Variants in SUGCT observed in about 807,000 individuals in gnomAD.
SUGCT encodes the protein succinyl-CoA:glutarate-CoA transferase, also known as succinyl-CoA:glutarate CoA-transferase.
In SUGCT, 41 loss-of-function variants were observed where a neutral mutation model predicts 55.0. The observed-to-expected ratio is 0.74, with a 90% CI of 0.58 to 0.97. SUGCT has a LOEUF of 0.97. Ranked by LOEUF, SUGCT falls within the 50% of genes least tolerant of loss-of-function variation. The probability of loss-of-function intolerance (pLI) is 0.00; values close to 1 mark genes in which losing one functional copy is unlikely to be tolerated. For synonymous variants in SUGCT, 187 were observed against 200.4 expected, an observed-to-expected ratio of 0.93 and a Z score of 0.56; for missense variants, 568 against 547.8, an observed-to-expected ratio of 1.04 and a Z score of -0.37.
chr7:40,791,532 G>A (rs1285030844), intron 13 of SUGCT, among the ~76,000 whole-genome samples: 1 of 152,150 alleles, frequency 6.6e-6, no homozygotes, highest in Non-Finnish European at 1.5e-5. Flanking sequence ...AACTTGGTAT[G>A]CTTGAAAGAA....
In SUGCT at chr7:40,204,114, G is replaced by A. The variant is rs139539656; in HGVS notation, c.484+9054G>A. Among the ~76,000 whole-genome samples, 17 of 151,642 alleles carry A rather than the reference G, an allele frequency of 1.1e-4. No homozygotes were observed. In the East Asian group the frequency reaches 2.6e-3, roughly 23 times the overall value. Reference sequence around the variant, plus strand: ...CGTGATCCTCCCGCTTCAGCCTCCCGTGTAGCTGGGATCATAGGCATGCAC... The same window carrying A: ...CGTGATCCTCCCGCTTCAGCCTCCCATGTAGCTGGGATCATAGGCATGCAC... On this transcript the variant is annotated intron_variant, in intron 6 of 13. Transcript: ENST00000335693.
rs144367322 is a variant in SUGCT, at chr7:40,266,788, G to A, written c.577-7725G>A. 6.5e-3 allele frequency among the ~76,000 whole-genome samples: 986 copies of A among 152,056 alleles called. 10 individuals carry two copies. Among genetic ancestry groups the A allele is most frequent in the African/African-American group, 0.023 (945 of 41,510 alleles). On this transcript the variant is annotated intron_variant, in intron 7 of 13. Transcript: ENST00000335693. ...TCCGAGCACTTTGGGAGGCCAAGGC[G>A]GGCACATCACGAGGTCAGGAGTCTG...
chr7:40,498,892 A>G (rs1792128508), intron 12 of SUGCT: 2 of 362,018 alleles, frequency 5.5e-6, no homozygotes, highest in Non-Finnish European at 5.4e-6. Flanking sequence ...CTATCCTTTT[A>G]TAAAAATATA....
intron 9 of SUGCT, among the ~76,000 whole-genome samples, chr7:40,337,638 GT>G: frequency 6.6e-6 from 1 of 152,266 alleles, no homozygotes; most frequent in East Asian, 1.9e-4. Context: ...GAGTCTATGT[GT>G]GTCTCTGCAT....
At chr7:40,917,506 A>G in the SUGCT span, among the ~76,000 whole-genome samples, 3 of 152,172 alleles carry the variant, frequency 2.0e-5, no homozygotes, top group Admixed American at 1.3e-4. Flanking sequence ...TTGTGACCAC[A>G]TCATCCTTTA....
chr7:40,209,703 G>A (rs1315192441), intron 6 of SUGCT, among the ~76,000 whole-genome samples: 2 of 151,906 alleles, frequency 1.3e-5, no homozygotes, highest in Admixed American at 1.3e-4. Flanking sequence ...TGCTGAGGCA[G>A]GATAATTGCT....
At chr7:40,722,945 G>A (rs1167172963) in intron 12 of SUGCT, among the ~76,000 whole-genome samples, 2 of 152,086 alleles carry the variant, frequency 1.3e-5, no homozygotes, top group East Asian at 3.9e-4. Context: ...CATCTGAAAT[G>A]AATCTACCAA....
At chr7:40,382,015 CTG>C (rs949063743) in intron 9 of SUGCT, among the ~76,000 whole-genome samples, 39 of 146,340 alleles carry the variant, frequency 2.7e-4, no homozygotes, top group Middle Eastern at 3.7e-3. Flanking sequence ...GTGTGTGTGT[CTG>C]TGTGTGTGTG....
chr7:41,026,088 G>T, the SUGCT span, among the ~76,000 whole-genome samples: 1 of 152,218 alleles, frequency 6.6e-6, no homozygotes, highest in Non-Finnish European at 1.5e-5. Flanking sequence ...CTCTGGAGCT[G>T]CACCTGCTGC....
intron 13 of SUGCT, among the ~76,000 whole-genome samples, chr7:40,819,127 T>G (rs1386546715): frequency 6.6e-6 from 1 of 152,124 alleles, no homozygotes; most frequent in African/African-American, 2.4e-5. Context: ...GGTGTATATG[T>G]GCCACATTTT....
At chr7:40,225,751 T>C (rs190736247) in intron 6 of SUGCT, among the ~76,000 whole-genome samples, 1 of 152,274 alleles carries the variant, frequency 6.6e-6, no homozygotes, top group African/African-American at 2.4e-5. Context: ...CGATGAATTG[T>C]TGATACTCAT....
intron 12 of SUGCT, among the ~76,000 whole-genome samples, chr7:40,746,830 T>C (rs1390490825): frequency 6.6e-6 from 1 of 152,224 alleles, no homozygotes; most frequent in African/African-American, 2.4e-5. Context: ...AGTTAAGTTA[T>C]ATTTAGCTAA....
At chr7:40,611,299 A>C (rs925768182) in intron 12 of SUGCT, among the ~76,000 whole-genome samples, 7 of 152,208 alleles carry the variant, frequency 4.6e-5, no homozygotes, top group African/African-American at 1.7e-4. Flanking sequence ...TTTATTAGCA[A>C]ATTCAATTTT....
chr7:40,181,726 A>G (rs1785222661), intron 2 of SUGCT, among the ~76,000 whole-genome samples: 1 of 150,714 alleles, frequency 6.6e-6, no homozygotes, highest in African/African-American at 2.4e-5. Flanking sequence ...AGCCTGGGTG[A>G]CAGAGCGAGA....
intron 13 of SUGCT, among the ~76,000 whole-genome samples, chr7:40,758,775 C>T (rs1345952884): frequency 6.6e-6 from 1 of 151,940 alleles, no homozygotes; most frequent in African/African-American, 2.4e-5. Flanking sequence ...AAGGGGGGCC[C>T]GAGGGACCTT....
At chr7:40,187,322 T>C (rs7776943) in intron 3 of SUGCT, among the ~76,000 whole-genome samples, 32,081 of 151,898 alleles carry the variant, frequency 0.21, 3,925 homozygotes, top group Non-Finnish European at 0.27. Flanking sequence ...CATTAGGAGA[T>C]ATACCTAATG....
At chr7:40,539,934 A>G (rs898735943) in intron 12 of SUGCT, among the ~76,000 whole-genome samples, 1 of 152,178 alleles carries the variant, frequency 6.6e-6, no homozygotes, top group Non-Finnish European at 1.5e-5. Flanking sequence ...AATCACATCA[A>G]ATTTTTATAG....
intron 7 of SUGCT, among the ~76,000 whole-genome samples, chr7:40,248,939 GTCTC>G (rs1491017930): frequency 1.7e-5 from 2 of 120,840 alleles, no homozygotes; most frequent in Admixed American, 1.6e-4. Flanking sequence ...CTCTCTCTCT[GTCTC>G]TCTCTCTCTC....
chr7:40,405,366 C>CT (rs1786301052), intron 9 of SUGCT, among the ~76,000 whole-genome samples: 1 of 152,060 alleles, frequency 6.6e-6, no homozygotes, highest in Non-Finnish European at 1.5e-5. Context: ...GGGATAATGT[C>CT]TTTTCTTTTT....
Sources: allele counts gnomAD v4.1 joint callset (sites outside exome capture counted in the v4.1 genomes callset), GRCh38; gene constraint gnomAD v4.1.1; transcripts MANE v1.5; gene names NCBI Gene and HGNC (gene_info 2026-07-23, HGNC 2026-07-21).